Variants in ACCSL observed in about 807,000 individuals in gnomAD.
ACCSL encodes probable inactive 1-aminocyclopropane-1-carboxylate synthase-like protein 2.
A neutral mutation model predicts 61.7 loss-of-function variants in ACCSL; 55 were observed. The ratio of observed to expected loss-of-function variants is 0.89; its 90% CI spans 0.72 to 1.12. ACCSL has a LOEUF of 1.12. Among genes scored for constraint, ACCSL ranks in the 50% most tolerant of loss-of-function variants. ACCSL has a pLI of 0.00. For synonymous variants in ACCSL, 258 were observed against 264.3 expected, an observed-to-expected ratio of 0.98 and a Z score of 0.23; for missense variants, 632 against 698.0, an observed-to-expected ratio of 0.91 and a Z score of 1.07.
chr11:44,037,364 C>A, the ACCSL span, among the ~76,000 whole-genome samples: 6 of 152,342 alleles, frequency 3.9e-5, no homozygotes, highest in South Asian at 1.0e-3. Flanking sequence ...GAGCCACCAG[C>A]GGTTGCAGTG....
chr11:44,053,355 G>A lies in ACCSL; in HGVS notation c.949-51G>A, dbSNP rs7106872. 8,966 of 1,565,506 alleles carry A rather than the reference G, an allele frequency of 5.7e-3. 231 individuals are homozygous for A. In the African/African-American group the frequency reaches 0.072, roughly 12 times the overall value. On this transcript the variant is annotated intron_variant, in intron 7 of 13. Transcript: ENST00000378832. ...ATAAAAGATCCTTGGCTGAATTTAGGGTAGATGCTAAGGACTTGTATTCAC... is the reference window on the plus strand; with the variant it reads ...ATAAAAGATCCTTGGCTGAATTTAGAGTAGATGCTAAGGACTTGTATTCAC...
the ACCSL span, among the ~76,000 whole-genome samples, chr11:44,004,603 T>C: frequency 6.6e-6 from 1 of 152,182 alleles, no homozygotes; most frequent in Non-Finnish European, 1.5e-5. Flanking sequence ...GCAGGATGGC[T>C]ATCGGGAAAA....
At chr11:44,043,959 C>G (rs1394354492), upstream of ACCSL, among the ~76,000 whole-genome samples, 1 of 152,116 alleles carries the variant, frequency 6.6e-6, no homozygotes, top group Non-Finnish European at 1.5e-5. Context: ...TAGCTGGAGA[C>G]CAGTTGGTCT....
the ACCSL span, among the ~76,000 whole-genome samples, chr11:43,928,316 T>C: frequency 2.0e-5 from 3 of 152,006 alleles, no homozygotes; most frequent in Non-Finnish European, 4.4e-5. Flanking sequence ...AGAAAAGATG[T>C]CGGATTTTCT....
the ACCSL span, among the ~76,000 whole-genome samples, chr11:44,036,450 G>A: frequency 6.6e-6 from 1 of 152,148 alleles, no homozygotes; most frequent in East Asian, 1.9e-4. Context: ...ATTGTTGGGA[G>A]GCCCGTTATA....
the ACCSL span, among the ~76,000 whole-genome samples, chr11:44,022,808 C>T: frequency 7.9e-5 from 12 of 152,128 alleles, no homozygotes; most frequent in Non-Finnish European, 1.5e-4. Context: ...TTCTTGTGAT[C>T]GCTTTGTCTG....
the ACCSL span, among the ~76,000 whole-genome samples, chr11:43,970,000 G>A: frequency 1.3e-5 from 2 of 151,318 alleles, no homozygotes; most frequent in African/African-American, 2.4e-5. Context: ...TTTTTTTCTT[G>A]GTAGCTTTTA....
the ACCSL span, among the ~76,000 whole-genome samples, chr11:44,021,746 T>C: frequency 3.9e-5 from 6 of 152,218 alleles, no homozygotes; most frequent in Non-Finnish European, 8.8e-5. Context: ...TTTTTATGGT[T>C]TCAGGTCTTA....
the ACCSL span, among the ~76,000 whole-genome samples, chr11:44,032,267 C>T: frequency 1.3e-5 from 2 of 152,274 alleles, no homozygotes; most frequent in East Asian, 3.9e-4. Context: ...TACATGTCCT[C>T]TCGTCACTCT....
the ACCSL span, among the ~76,000 whole-genome samples, chr11:44,033,940 G>C: frequency 9.7e-4 from 147 of 151,310 alleles, no homozygotes; most frequent in Non-Finnish European, 1.9e-3. Context: ...TGAGATGCAG[G>C]AGCCCGAGAA....
At position 44,058,313 on chromosome 11, in the gene ACCSL, C is replaced by T; in HGVS notation, c.1328-4C>T. ...GTGACAGTGTTTTTCCTCTACCCAT[C>T]CAGAATGGATTGACAAAGTATACCT... On this transcript the variant is annotated splice_polypyrimidine_tract_variant and splice_region_variant and intron_variant, in intron 11 of 13. Coordinates refer to ENST00000378832, the MANE Select transcript of ACCSL (RefSeq NM_001031854.2). The T allele has an allele frequency of 6.2e-7, 1 of 1,614,132 alleles. No individual in the cohort carries two copies. Among genetic ancestry groups the T allele is most frequent in the Non-Finnish European group, 8.5e-7 (1 of 1,180,006 alleles).
the ACCSL span, among the ~76,000 whole-genome samples, chr11:43,928,221 G>T: frequency 4.0e-4 from 61 of 152,272 alleles, no homozygotes; most frequent in Non-Finnish European, 8.1e-4. Flanking sequence ...TTGGGCAGAG[G>T]TGAGAAGACC....
the ACCSL span, among the ~76,000 whole-genome samples, chr11:43,935,459 T>G: frequency 5.9e-5 from 9 of 152,284 alleles, no homozygotes; most frequent in East Asian, 3.9e-4. Context: ...CTGGCTTCAG[T>G]GCTCAGCACT....
At chr11:44,038,157 G>T in the ACCSL span, among the ~76,000 whole-genome samples, 1 of 152,190 alleles carries the variant, frequency 6.6e-6, no homozygotes, top group Admixed American at 6.5e-5. Flanking sequence ...GAACTGCAGT[G>T]TGGTGAGCAT....
the ACCSL span, among the ~76,000 whole-genome samples, chr11:43,972,067 AC>A: frequency 6.6e-6 from 1 of 152,218 alleles, no homozygotes; most frequent in African/African-American, 2.4e-5. Flanking sequence ...TCCTGGGTCT[AC>A]CTGACATACA....
intron 1 of ACCSL, 79 bp downstream of exon 1, chr11:44,048,619 C>A (rs1952616254): frequency 7.3e-7 from 1 of 1,366,790 alleles, no homozygotes; most frequent in Admixed American, 1.9e-5. Context: ...GGGCCAAGTG[C>A]TATATATGCT....
the ACCSL span, among the ~76,000 whole-genome samples, chr11:43,928,387 C>A: frequency 2.0e-5 from 3 of 152,170 alleles, no homozygotes; most frequent in Non-Finnish European, 4.4e-5. Context: ...AGACACAGGA[C>A]TCAGCTACGA....
At chr11:43,934,220 T>G in the ACCSL span, among the ~76,000 whole-genome samples, 1 of 152,150 alleles carries the variant, frequency 6.6e-6, no homozygotes, top group African/African-American at 2.4e-5. Context: ...ATCGAAACAC[T>G]TTTATGCTCC....
the ACCSL span, among the ~76,000 whole-genome samples, chr11:43,957,861 T>C: frequency 6.6e-6 from 1 of 152,204 alleles, no homozygotes; most frequent in Non-Finnish European, 1.5e-5. Flanking sequence ...CTTCCCGTCA[T>C]GGCCGGAACT....
Sources: gnomAD v4.1 joint callset for allele counts (sites outside exome capture counted in the v4.1 genomes callset) on GRCh38, gnomAD v4.1.1 for gene constraint, MANE v1.5 for transcripts, NCBI Gene and HGNC (gene_info 2026-07-23, HGNC 2026-07-21) for gene names.